Variants in FRMD4B observed in about 807,000 individuals in gnomAD.
FRMD4B encodes the protein FERM domain-containing protein 4B.
FRMD4B carries 74 observed loss-of-function variants against 141.5 expected under a neutral mutation model. That is an observed-to-expected ratio of 0.52 (90% CI 0.43 to 0.63). The LOEUF is 0.63. FRMD4B is among the 30% of genes least tolerant of loss of function. The pLI is 0.00. For synonymous variants in FRMD4B, 506 were observed against 467.9 expected (o/e 1.08, Z -1.05); for missense variants, 1,366 against 1,253.4 (o/e 1.09, Z -1.36).
chr3:69,456,803 G>A (rs569670488), intron 1 of FRMD4B, among the ~76,000 whole-genome samples: 4 of 150,474 alleles, frequency 2.7e-5, no homozygotes, highest in African/African-American at 9.8e-5. Context: ...CAGCAAACTA[G>A]TTCCTGGACT....
At chr3:69,412,276 G>T (rs965397907) in intron 2 of FRMD4B, among the ~76,000 whole-genome samples, 12 of 152,182 alleles carry the variant, frequency 7.9e-5, no homozygotes, top group Non-Finnish European at 1.5e-5. Flanking sequence ...TAGACCTTTT[G>T]AATTAGAATA....
In FRMD4B at chr3:69,250,240, G is replaced by C. The variant is rs117811867; in HGVS notation, c.502-141C>G. ...AGATCATACCATTGCAGGGGAAAGT[G>C]GGGGGTGTGGAGAGACTCATTGAGG... On this transcript the variant is annotated intron_variant, in intron 5 of 22. Coordinates refer to ENST00000398540, the MANE Select transcript of FRMD4B (RefSeq NM_015123.3). The C allele has an allele frequency of 4.2e-6, 3 of 721,688 alleles. No homozygotes were observed. The East Asian group carries it at 7.6e-5, about 18-fold the overall frequency. The allele number at this position is 721,688 out of a possible 1,614,324, so 44.7% of individuals were successfully genotyped here.
chr3:69,225,745 T>G (rs2093248282), intron 7 of FRMD4B, among the ~76,000 whole-genome samples: 1 of 120,854 alleles, frequency 8.3e-6, no homozygotes, highest in Non-Finnish European at 1.7e-5. Context: ...GAACACGTAA[T>G]ACTACCCAGT....
chr3:69,348,529 A>G (rs74874537), intron 1 of FRMD4B, among the ~76,000 whole-genome samples: 44,719 of 152,070 alleles, frequency 0.29, 7,713 homozygotes, highest in East Asian at 0.61. Flanking sequence ...GAGACACAAC[A>G]AAAAAAGAGA....
chr3:69,449,340 A>C (rs934778857), intron 1 of FRMD4B, among the ~76,000 whole-genome samples: 1 of 152,236 alleles, frequency 6.6e-6, no homozygotes, highest in Non-Finnish European at 1.5e-5. Context: ...GTGTTCTAAC[A>C]CATTTGTTTT....
chr3:69,218,437 G>T, intron 9 of FRMD4B, 58 bp from the exon 10 acceptor site: 2 of 725,970 alleles, frequency 2.8e-6, no homozygotes, highest in Non-Finnish European at 4.7e-6. Flanking sequence ...ACCCTTTTGG[G>T]AAAAGTGATT....
chr3:69,517,474 G>T (rs1041738591), intron 1 of FRMD4B, among the ~76,000 whole-genome samples: 3 of 152,290 alleles, frequency 2.0e-5, no homozygotes, highest in Admixed American at 6.5e-5. Context: ...GTTAGGATCA[G>T]AGATATAACC....
chr3:69,237,013 C>T (rs1354032939), intron 7 of FRMD4B, among the ~76,000 whole-genome samples: 4 of 152,258 alleles, frequency 2.6e-5, no homozygotes, highest in East Asian at 1.9e-4. Flanking sequence ...TCCACCTAGC[C>T]GGGTAAGCGA....
chr3:69,329,836 T>A (rs7644074), intron 1 of FRMD4B, among the ~76,000 whole-genome samples: 11,639 of 152,014 alleles, frequency 0.077, 1,512 homozygotes, highest in African/African-American at 0.27. Context: ...TACTGGGCTT[T>A]ATACCTGGGT....
intron 4 of FRMD4B, among the ~76,000 whole-genome samples, chr3:69,301,255 G>T (rs1701209735): frequency 6.6e-6 from 1 of 152,092 alleles, no homozygotes; most frequent in Non-Finnish European, 1.5e-5. Flanking sequence ...ACATAAGGAG[G>T]GCTTTCAGCT....
At chr3:69,286,410 T>C (rs1466222655) in intron 5 of FRMD4B, among the ~76,000 whole-genome samples, 1 of 152,242 alleles carries the variant, frequency 6.6e-6, no homozygotes, top group African/African-American at 2.4e-5. Flanking sequence ...TGTAAGATTC[T>C]TATGCTACAT....
chr3:69,373,160 T>A (rs987044890), intron 1 of FRMD4B, among the ~76,000 whole-genome samples: 3 of 152,242 alleles, frequency 2.0e-5, no homozygotes, highest in Non-Finnish European at 4.4e-5. Flanking sequence ...TTTTTCTTCT[T>A]TTGAAGTGGA....
At chr3:69,334,947 T>C (rs909965675) in intron 1 of FRMD4B, among the ~76,000 whole-genome samples, 2 of 152,092 alleles carry the variant, frequency 1.3e-5, no homozygotes, top group Non-Finnish European at 2.9e-5. Context: ...TTAAGTACCA[T>C]GAAAATGAGA....
At chr3:69,305,956 G>A (rs1055597078) in intron 3 of FRMD4B, among the ~76,000 whole-genome samples, 62 of 152,230 alleles carry the variant, frequency 4.1e-4, no homozygotes, top group African/African-American at 8.9e-4. Context: ...TGCTAGTACT[G>A]GTTACCTCTG....
intron 5 of FRMD4B, among the ~76,000 whole-genome samples, chr3:69,250,482 T>G (rs898079595): frequency 6.6e-6 from 1 of 152,198 alleles, no homozygotes; most frequent in Admixed American, 6.5e-5. Context: ...ATTCATTTGT[T>G]GAGTGTTTTC....
chr3:69,299,106 T>TCCTC (rs976691574), intron 4 of FRMD4B, among the ~76,000 whole-genome samples: 1 of 152,048 alleles, frequency 6.6e-6, no homozygotes, highest in African/African-American at 2.4e-5. Flanking sequence ...CACTATCGGG[T>TCCTC]CCTCAGACCT....
intron 1 of FRMD4B, among the ~76,000 whole-genome samples, chr3:69,485,834 G>A (rs2107004458): frequency 6.6e-6 from 1 of 152,370 alleles, no homozygotes; most frequent in Non-Finnish European, 1.5e-5. Flanking sequence ...GGCTGCAGGT[G>A]TGGGGCTGTC....
At chr3:69,342,256 T>C (rs1702765027) in intron 1 of FRMD4B, among the ~76,000 whole-genome samples, 1 of 152,190 alleles carries the variant, frequency 6.6e-6, no homozygotes, top group African/African-American at 2.4e-5. Context: ...GACCAGAGTC[T>C]GCAATGGACA....
intron 2 of FRMD4B, among the ~76,000 whole-genome samples, chr3:69,392,563 A>G (rs1704402436): frequency 6.6e-6 from 1 of 152,212 alleles, no homozygotes; most frequent in African/African-American, 2.4e-5. Flanking sequence ...GTTCTAGGGT[A>G]CAAAGAAAGA....
Sources: allele counts gnomAD v4.1 joint callset (sites outside exome capture counted in the v4.1 genomes callset), GRCh38; gene constraint gnomAD v4.1.1; transcripts MANE v1.5; gene names NCBI Gene and HGNC (gene_info 2026-07-23, HGNC 2026-07-21).